Variants in LRP1B observed in about 807,000 individuals in gnomAD.
The protein encoded by LRP1B is low-density lipoprotein receptor-related protein 1B.
LRP1B carries 217 observed loss-of-function variants against 556.6 expected under a neutral mutation model. That is an observed-to-expected ratio of 0.39 (90% CI 0.35 to 0.44). LRP1B has a LOEUF of 0.44. Ranked by LOEUF, LRP1B falls within the 20% of genes least tolerant of loss-of-function variation. The pLI, the probability that LRP1B is intolerant of heterozygous loss-of-function variation, is 1.00. For synonymous variants in LRP1B, 2,047 were observed against 1,865.8 expected, an observed-to-expected ratio of 1.10 and a Z score of -2.50; for missense variants, 5,053 against 5,620.8, an observed-to-expected ratio of 0.90 and a Z score of 3.23.
chr2:141,067,281 G>T (rs978048925), intron 7 of LRP1B, among the ~76,000 whole-genome samples: 1 of 151,936 alleles, frequency 6.6e-6, no homozygotes, highest in African/African-American at 2.4e-5. Context: ...TGAAATAAAA[G>T]GTTTAAATTC....
chr2:141,489,382 G>C (rs1368434834), intron 2 of LRP1B, among the ~76,000 whole-genome samples: 1 of 151,656 alleles, frequency 6.6e-6, no homozygotes, highest in African/African-American at 2.4e-5. Flanking sequence ...AAGGTGGAAA[G>C]GTAATTTTTA....
At chr2:141,136,059 C>A (rs2105040876) in intron 7 of LRP1B, among the ~76,000 whole-genome samples, 1 of 151,818 alleles carries the variant, frequency 6.6e-6, no homozygotes, top group African/African-American at 2.4e-5. Flanking sequence ...AAGTTAAGAC[C>A]AGATGAAACT....
Position 141,512,047 on chromosome 2 carries a change from CA to C in LRP1B, c.206-31515del, listed in dbSNP as rs565910583. ...TAATCACATACAGAAAAAAGAAATGCAAAAGATGCACAATTTCCCCTCTTTA... is the reference window on the plus strand; with the variant it reads ...TAATCACATACAGAAAAAAGAAATGCAAAGATGCACAATTTCCCCTCTTTA... On this transcript the variant is annotated intron_variant, in intron 2 of 90. Coordinates refer to ENST00000389484, the MANE Select transcript of LRP1B (RefSeq NM_018557.3). Among the ~76,000 whole-genome samples the C allele has an allele frequency of 9.9e-5, 15 of 152,186 alleles. No homozygotes were observed. In the South Asian group the frequency reaches 3.1e-3, roughly 32 times the overall value.
intron 1 of LRP1B, among the ~76,000 whole-genome samples, chr2:141,910,955 C>T (rs946323979): frequency 1.3e-5 from 2 of 151,934 alleles, no homozygotes; most frequent in Admixed American, 1.3e-4. Context: ...ATATTACAAT[C>T]AAATGTTCCA....
intron 18 of LRP1B, among the ~76,000 whole-genome samples, chr2:140,981,668 A>C (rs1042737763): frequency 6.6e-6 from 1 of 152,202 alleles, no homozygotes; most frequent in Non-Finnish European, 1.5e-5. Context: ...TGAGTTTGTC[A>C]GTCAGAATCA....
chr2:140,473,854 C>T (rs1391660228), intron 60 of LRP1B, among the ~76,000 whole-genome samples: 2 of 151,792 alleles, frequency 1.3e-5, no homozygotes. Flanking sequence ...CTATGCAACC[C>T]AAGAATGAGG....
chr2:142,087,612 A>T (rs1705996355), intron 1 of LRP1B, among the ~76,000 whole-genome samples: 1 of 151,654 alleles, frequency 6.6e-6, no homozygotes, highest in Admixed American at 6.6e-5. Flanking sequence ...TATTACAATG[A>T]ATACAAATAT....
At chr2:141,600,737 C>A (rs1687701591) in intron 2 of LRP1B, among the ~76,000 whole-genome samples, 1 of 152,042 alleles carries the variant, frequency 6.6e-6, no homozygotes, top group Non-Finnish European at 1.5e-5. Context: ...ATTCAGGGTG[C>A]AACTAGATGG....
intron 25 of LRP1B, among the ~76,000 whole-genome samples, chr2:140,870,448 G>T (rs1483662907): frequency 6.6e-6 from 1 of 152,002 alleles, no homozygotes; most frequent in Admixed American, 6.6e-5. Context: ...TCAACCATCT[G>T]GTCCTCTGAT....
intron 74 of LRP1B, among the ~76,000 whole-genome samples, chr2:140,357,207 T>G (rs2105132518): frequency 6.6e-6 from 1 of 151,834 alleles, no homozygotes; most frequent in South Asian, 2.1e-4. Context: ...TAAATCAAAT[T>G]TTTGAGAAAT....
intron 1 of LRP1B, among the ~76,000 whole-genome samples, chr2:141,972,065 C>T (rs1269207479): frequency 1.3e-5 from 2 of 151,448 alleles, no homozygotes; most frequent in Admixed American, 6.6e-5. Context: ...GTTTTGAATG[C>T]TGGAACATCA....
In LRP1B at chr2:141,590,150, C is replaced by A. The variant is rs1687285787; in HGVS notation, c.206-109617G>T. On this transcript the variant is annotated intron_variant, in intron 2 of 90. Coordinates refer to ENST00000389484, the MANE Select transcript of LRP1B (RefSeq NM_018557.3). ...CTACCCAGGCAGGAAAGTACCCTAC[C>A]ACTTCACAGCCTAAAACAAACAATT... Among the ~76,000 whole-genome samples, 4 of 152,096 alleles carry A rather than the reference C, an allele frequency of 2.6e-5. No homozygotes were observed. The South Asian group carries it at 8.3e-4, about 32-fold the overall frequency.
intron 7 of LRP1B, among the ~76,000 whole-genome samples, chr2:141,134,897 C>A (rs1228695260): frequency 2.0e-5 from 3 of 151,616 alleles, no homozygotes; most frequent in Non-Finnish European, 4.4e-5. Flanking sequence ...GTTAAATAAA[C>A]CATACTTCAT....
chr2:141,070,724 C>A (rs1409395295), intron 7 of LRP1B, among the ~76,000 whole-genome samples: 2 of 152,082 alleles, frequency 1.3e-5, no homozygotes, highest in Admixed American at 6.6e-5. Flanking sequence ...ATACTACAAA[C>A]ACCTCTACGC....
At chr2:140,775,107 T>C (rs1377647442) in intron 33 of LRP1B, among the ~76,000 whole-genome samples, 3 of 152,040 alleles carry the variant, frequency 2.0e-5, no homozygotes, top group African/African-American at 4.8e-5. Flanking sequence ...TTTCTTCTGC[T>C]TGGGGCAAGT....
intron 21 of LRP1B, among the ~76,000 whole-genome samples, chr2:140,917,329 T>G (rs1694609481): frequency 6.6e-6 from 1 of 152,158 alleles, no homozygotes; most frequent in Non-Finnish European, 1.5e-5. Flanking sequence ...CCTACTATCC[T>G]GTAAATGGAC....
intron 1 of LRP1B, among the ~76,000 whole-genome samples, chr2:141,990,099 T>TA (rs1311170820): frequency 6.6e-6 from 1 of 152,118 alleles, no homozygotes; most frequent in Non-Finnish European, 1.5e-5. Flanking sequence ...CTCAAAGCAC[T>TA]AAAGATTTCA....
chr2:140,484,576 A>T (rs1044768570), intron 59 of LRP1B, among the ~76,000 whole-genome samples: 2 of 152,200 alleles, frequency 1.3e-5, no homozygotes, highest in African/African-American at 4.8e-5. Context: ...GAACTTCTCC[A>T]AAGATCATTT....
At chr2:140,429,617 T>C (rs11899167) in intron 66 of LRP1B, among the ~76,000 whole-genome samples, 34,303 of 152,042 alleles carry the variant, frequency 0.23, 4,198 homozygotes, top group African/African-American at 0.3. Flanking sequence ...TGATCGTGTT[T>C]GACTAATCTC....
Sources: allele counts gnomAD v4.1 joint callset (sites outside exome capture counted in the v4.1 genomes callset), GRCh38; gene constraint gnomAD v4.1.1; transcripts MANE v1.5; gene names NCBI Gene and HGNC (gene_info 2026-07-23, HGNC 2026-07-21).